INF2: variants seen among roughly 807,000 people sequenced by gnomAD.
The protein encoded by INF2 is inverted formin-2.
INF2 carries 43 observed loss-of-function variants against 123.5 expected under a neutral mutation model. That is an observed-to-expected ratio of 0.35 (90% CI 0.27 to 0.45). The LOEUF is 0.45. Ranked by LOEUF, INF2 falls within the 20% of genes least tolerant of loss-of-function variation. The probability of loss-of-function intolerance (pLI) is 1.00; values close to 1 mark genes in which losing one functional copy is unlikely to be tolerated. For synonymous variants in INF2, 851 were observed against 745.0 expected, an observed-to-expected ratio of 1.14 and a Z score of -2.32; for missense variants, 1,453 against 1,682.7, an observed-to-expected ratio of 0.86 and a Z score of 2.39.
Position 104,714,870 on chromosome 14 carries a change from G to A in INF2, c.3694+14G>A. On this transcript the variant is annotated intron_variant, in intron 21 of 22. Transcript: ENST00000392634. Reference sequence around the variant, plus strand: ...GGAGCCAGGAAGGTAACTCAGGGAGGGGCCCCGGGCACCGTCCCACGCCAG... The same window carrying A: ...GGAGCCAGGAAGGTAACTCAGGGAGAGGCCCCGGGCACCGTCCCACGCCAG... The A allele has an allele frequency of 6.5e-7, 1 of 1,532,448 alleles. No individual in the cohort carries two copies. Among genetic ancestry groups the A allele is most frequent in the Non-Finnish European group, 8.7e-7 (1 of 1,147,494 alleles). 94.9% of individuals were successfully genotyped at this position (1,532,448 alleles called of 1,614,324 possible). A position where few individuals can be genotyped will look rare whatever the true frequency, so the allele number is the denominator to read the frequency against.
intron 7 of INF2, 61 bp downstream of exon 7, chr14:104,707,112 C>G: frequency 2.0e-6 from 3 of 1,526,638 alleles, no homozygotes; most frequent in Non-Finnish European, 2.6e-6. Flanking sequence ...GGTCTTAGAC[C>G]ATGGGGGGGG....
chr14:104,701,517 C>G lies in INF2; in HGVS notation c.152C>G (p.Ser51Cys). The G allele has an allele frequency of 1.2e-6, 2 of 1,606,744 alleles. No homozygotes were observed. Among genetic ancestry groups the G allele is most frequent in the South Asian group, 1.1e-5 (1 of 89,866 alleles). ...CAGATGCCCTCTGTGGTCAACTACT[C>G]CGGCCTGCGCAAGCGCCTGGAGGGC... ...LLQMPSVVNY[S>C]GLRKRLEGSD... Residue 51 changes from serine (S) to cysteine (C), a missense_variant, in exon 2 of 23, where the codon TCC becomes TGC. Coordinates refer to ENST00000392634, the MANE Select transcript of INF2 (RefSeq NM_022489.4).
Position 104,718,807 on chromosome 14 carries a change from G to T in INF2, c.*14G>T, listed in dbSNP as rs1245807273. On this transcript the variant is annotated 3_prime_UTR_variant, in exon 23 of 23. Coordinates refer to ENST00000392634, the MANE Select transcript of INF2 (RefSeq NM_022489.4). ...CTCTCTCTTACAGGCCTCAGGCCCA[G>T]GCCCAAGGCCAAGTGAGAGAGCCCA... 6.2e-7 allele frequency: 1 copy of T among 1,613,098 alleles called. No individual in the cohort carries two copies. The highest frequency in any genetic ancestry group is 8.5e-7 in the Non-Finnish European group (1 of 1,179,760).
Position 104,707,472 on chromosome 14 carries a change from G to C in INF2, c.1205G>C (p.Ser402Thr). 6.4e-7 allele frequency: 1 copy of C among 1,552,844 alleles called. No homozygotes were observed. Among genetic ancestry groups the C allele is most frequent in the Non-Finnish European group, 8.7e-7 (1 of 1,148,772 alleles). Residue 402 changes from serine to threonine, a missense_variant, in exon 8 of 23, where the codon AGT (serine) becomes ACT (threonine). Physicochemically the swap from Ser to Thr is moderately conservative, Grantham distance 58. Transcript: ENST00000392634. Reference protein sequence around the residue: ...AACEPVDHAQSESILKVSQPR... With the variant: ...AACEPVDHAQTESILKVSQPR... ...TGCGAGCCCGTGGACCACGCCCAGA[G>C]TGAGAGCATCCTGAAAGTTTCGCAG...
chr14:104,707,943 C>A lies in INF2; in HGVS notation c.1676C>A (p.Pro559Gln). The A allele has an allele frequency of 6.3e-7, 1 of 1,599,206 alleles. No homozygotes were observed. Among genetic ancestry groups the A allele is most frequent in the African/African-American group, 1.3e-5 (1 of 75,018 alleles). The change falls in exon 8 of 23, where the codon CCA (proline) becomes CAA (glutamine). Residue 559 changes from proline to glutamine, a missense_variant. Pro to Gln is a moderately conservative substitution (Grantham distance 76). Coordinates refer to ENST00000392634, the MANE Select transcript of INF2 (RefSeq NM_022489.4). Reference sequence around the variant, plus strand: ...GTCCCCAGCCATCGGCGGGTGAACCCACCCACACTGCGCATGAAGAAGCTG... The same window carrying A: ...GTCCCCAGCCATCGGCGGGTGAACCAACCCACACTGCGCATGAAGAAGCTG... ...AWVPSHRRVN[P>Q]PTLRMKKLNW...
rs991349060 is a variant in INF2 at position 104,699,302 on chromosome 14, G to A, written c.-9-2055G>A. ...CCTGTGCCAAGGGGACAGGGACTCC[G>A]GCCAATGGAGGCGGGGGAGGAAAGG... On this transcript the variant is annotated intron_variant, in intron 1 of 22. Transcript: ENST00000392634. This position sits in a 1 kb window ranked among gnomAD's most constrained non-coding sequence, Gnocchi z 4.7. The A allele has an allele frequency of 5.5e-6, 4 of 721,078 alleles. No individual in the cohort carries two copies. The highest frequency in any genetic ancestry group is 5.1e-6 in the Non-Finnish European group (3 of 589,276). The allele number at this position is 721,078 out of a possible 1,614,324, so 44.7% of individuals were successfully genotyped here. A position where few individuals can be genotyped will look rare whatever the true frequency, so the allele number is the denominator to read the frequency against.
chr14:104,693,754 C>T (rs571411731), intron 1 of INF2, among the ~76,000 whole-genome samples: 49 of 152,334 alleles, frequency 3.2e-4, no homozygotes, highest in Non-Finnish European at 6.5e-4. Context: ...CGAGGAGGGC[C>T]AGCATCCCAC....
chr14:104,718,388 G>A (rs1389337106), intron 22 of INF2, among the ~76,000 whole-genome samples: 3 of 152,218 alleles, frequency 2.0e-5, no homozygotes, highest in Non-Finnish European at 4.4e-5. Flanking sequence ...TGGAGAAAGC[G>A]CTGCTGGGGT....
chr14:104,693,401 A>T (rs548650880), intron 1 of INF2, among the ~76,000 whole-genome samples: 48 of 152,182 alleles, frequency 3.2e-4, no homozygotes, highest in Non-Finnish European at 5.3e-4. Flanking sequence ...CAGGAGCCAC[A>T]CTGGGGGCGG....
intron 13 of INF2, chr14:104,710,698 G>A: frequency 1.7e-6 from 1 of 578,378 alleles, no homozygotes; most frequent in Non-Finnish European, 3.1e-6. Context: ...CAGGGAGAGG[G>A]ACAGGTACGG....
In INF2 at chr14:104,707,246, A is replaced by G. The variant is rs1471692135; in HGVS notation, c.986-7A>G. 1.2e-6 allele frequency: 2 copies of G among 1,604,402 alleles called. No individual in the cohort carries two copies. Among genetic ancestry groups the G allele is most frequent in the Non-Finnish European group, 1.7e-6 (2 of 1,175,856 alleles). On this transcript the variant is annotated splice_polypyrimidine_tract_variant and splice_region_variant and intron_variant, in intron 7 of 22. Coordinates refer to ENST00000392634, the MANE Select transcript of INF2 (RefSeq NM_022489.4). ...TCTCCCTTGACCCTGGACATCCCCT[A>G]CTGCAGCCCAGGAATGCACCCTGGA...
chr14:104,702,031 T>A (rs1889537803), intron 2 of INF2, among the ~76,000 whole-genome samples: 1 of 152,094 alleles, frequency 6.6e-6, no homozygotes, highest in Admixed American at 6.5e-5. Flanking sequence ...GCCCCACCCT[T>A]CCTCCCCGTC....
chr14:104,720,507 CGT>C lies in INF2; in HGVS notation c.*1715_*1716del. The C allele has an allele frequency of 6.0e-5, 3 of 50,296 alleles. No homozygotes were observed. Among genetic ancestry groups the C allele is most frequent in the East Asian group, 2.8e-3 (1 of 352 alleles). 3.1% of individuals were successfully genotyped at this position (50,296 alleles called of 1,614,324 possible). On this transcript the variant is annotated 3_prime_UTR_variant, in exon 23 of 23. Coordinates refer to ENST00000392634, the MANE Select transcript of INF2 (RefSeq NM_022489.4). ...GTGTGGATGCTGCTGTGGACATCTG[CGT>C]AGTCTCGTGTGGATGCTGCTGTGAA... is the stretch of plus-strand genomic sequence containing the variant.
rs1595187820 is a variant in INF2, at chr14:104,720,628, C to A, written c.*1835C>A. 1 of 76,200 alleles carries A rather than the reference C, an allele frequency of 1.3e-5. No individual in the cohort carries two copies. The highest frequency in any genetic ancestry group is 4.8e-4 in the East Asian group (1 of 2,072). 4.7% of individuals were successfully genotyped at this position (76,200 alleles called of 1,614,324 possible). ...CGTCTGCGTCGTCCTCGTGTGGATGCTGCTGTGGACGTCTGCGTCGTCCTC... is the reference window on the plus strand; with the variant it reads ...CGTCTGCGTCGTCCTCGTGTGGATGATGCTGTGGACGTCTGCGTCGTCCTC... On this transcript the variant is annotated 3_prime_UTR_variant, in exon 23 of 23. Coordinates refer to ENST00000392634, the MANE Select transcript of INF2 (RefSeq NM_022489.4).
chr14:104,707,525 A>ACCCCCCCCCCCC lies in INF2; in HGVS notation c.1262_1263insCCCCCCCCCCCC (p.Pro425_Pro428dup). On this transcript the variant is annotated inframe_insertion, in exon 8 of 23. Coordinates refer to ENST00000392634, the MANE Select transcript of INF2 (RefSeq NM_022489.4). ...CAGAGCCCTGGAGCAGCAGGCGTCC[A>ACCCCCCCCCCCC]CCCCACCCCCACCCCCACCCCCACC... 1 of 1,379,288 alleles carries ACCCCCCCCCCCC rather than the reference A, an allele frequency of 7.3e-7. No homozygotes were observed. The highest frequency in any genetic ancestry group is 9.5e-7 in the Non-Finnish European group (1 of 1,047,184). The allele number at this position is 1,379,288 out of a possible 1,614,324, so 85.4% of individuals were successfully genotyped here.
rs145794141 is a variant in INF2, at chr14:104,712,787, C to A, written c.2611-41C>A. 2.0e-3 allele frequency: 3,101 copies of A among 1,566,042 alleles called. 53 individuals are homozygous for A. The African/African-American group carries it at 0.032, about 16-fold the overall frequency. ...AGGGCCTCACCCCGGGTGGTGCCCG[C>A]GCGGGGCTCTCACGGGACTGTCACG... On this transcript the variant is annotated intron_variant, in intron 17 of 22. Coordinates refer to ENST00000392634, the MANE Select transcript of INF2 (RefSeq NM_022489.4).
Position 104,695,790 on chromosome 14 carries a change from G to A in INF2, c.-9-5567G>A, listed in dbSNP as rs573508892. 1.6e-4 allele frequency among the ~76,000 whole-genome samples: 24 copies of A among 152,056 alleles called. No homozygotes were observed. In the South Asian group the frequency reaches 5.0e-3, roughly 32 times the overall value. On this transcript the variant is annotated intron_variant, in intron 1 of 22. Transcript: ENST00000392634. ...GCTGTAGCCTGGCTCCCGGGCCAGT[G>A]GTGTCCCCTGGCGTTCAGTGCTGGC...
At chr14:104,682,295 G>C (rs4983525) in intron 1 of INF2, among the ~76,000 whole-genome samples, 14,759 of 151,930 alleles carry the variant, frequency 0.097, 1,172 homozygotes, top group East Asian at 0.3. Context: ...GGGCTTTAGC[G>C]GGGAAGTGCT....
chr14:104,682,135 G>C (rs1271159125), intron 1 of INF2, among the ~76,000 whole-genome samples: 4 of 152,200 alleles, frequency 2.6e-5, no homozygotes, highest in African/African-American at 7.2e-5. Context: ...GGGGTTTGGG[G>C]TTTGGGGTTA....
Sources: gnomAD v4.1 joint callset for allele counts (sites outside exome capture counted in the v4.1 genomes callset) on GRCh38, gnomAD v4.1.1 for gene constraint, Gnocchi (gnomAD v3.1) non-coding constraint, MANE v1.5 for transcripts, NCBI Gene and HGNC (gene_info 2026-07-23, HGNC 2026-07-21) for gene names.